Variants in COPG1 observed in about 807,000 individuals in gnomAD.
The protein encoded by COPG1 is coatomer subunit gamma-1.
A neutral mutation model predicts 102.8 loss-of-function variants in COPG1; 29 were observed. That is an observed-to-expected ratio of 0.28 (90% confidence interval 0.21 to 0.38). COPG1 has a LOEUF of 0.38. Among genes scored for constraint, COPG1 ranks in the 10% least tolerant of loss-of-function variants. The pLI, the probability that COPG1 is intolerant of heterozygous loss-of-function variation, is 1.00. For synonymous variants in COPG1, 406 were observed against 421.6 expected (o/e 0.96, Z 0.45); for missense variants, 875 against 1,132.7 (o/e 0.77, Z 3.27).
In COPG1 at chr3:129,249,649, G is replaced by T; in HGVS notation, c.-61G>T. 6.5e-7 allele frequency: 1 copy of T among 1,543,796 alleles called. No individual in the cohort carries two copies. The highest frequency in any genetic ancestry group is 2.4e-5 in the East Asian group (1 of 40,860). On this transcript the variant is annotated 5_prime_UTR_variant, in exon 1 of 24. Coordinates refer to ENST00000314797, the MANE Select transcript of COPG1 (RefSeq NM_016128.4). ...GTCCCTGTAGAACCACTGTGGCACC[G>T]CTACTCCGTGCCGCGCCCGTCGAGC...
At chr3:129,270,762 A>G (rs1940167091) in intron 18 of COPG1, among the ~76,000 whole-genome samples, 2 of 152,214 alleles carry the variant, frequency 1.3e-5, no homozygotes, top group African/African-American at 4.8e-5. Flanking sequence ...TTCTAAGTAA[A>G]GGGAAAAATA....
In COPG1 at chr3:129,265,743, C is replaced by A. The variant is rs1210451486; in HGVS notation, c.1419C>A (p.Ile473=). Reference sequence around the variant, plus strand: ...AGACCACCAATCCCTCAAAGTACATCCGCTTCATCTATAACCGAGTGGTCT... The same window carrying A: ...AGACCACCAATCCCTCAAAGTACATACGCTTCATCTATAACCGAGTGGTCT... ...GPKTTNPSKY[I]RFIYNRVVLE... The change falls in exon 14 of 24, where the codon ATC becomes ATA. Residue 473 remains isoleucine, a synonymous_variant. Coordinates refer to ENST00000314797, the MANE Select transcript of COPG1 (RefSeq NM_016128.4). 4.3e-6 allele frequency: 7 copies of A among 1,614,040 alleles called. No individual in the cohort carries two copies. The highest frequency in any genetic ancestry group is 5.9e-6 in the Non-Finnish European group (7 of 1,180,036).
In COPG1 at chr3:129,272,259, A is replaced by G; in HGVS notation, c.2002A>G (p.Thr668Ala). 6.2e-7 allele frequency: 1 copy of G among 1,614,024 alleles called. No homozygotes were observed. The highest frequency in any genetic ancestry group is 1.1e-5 in the South Asian group (1 of 91,080). The change falls in exon 20 of 24, where the codon ACA becomes GCA. Residue 668 changes from threonine (T) to alanine (A), a missense_variant. Physicochemically the swap from Thr to Ala is moderately conservative, Grantham distance 58 (BLOSUM62 0). Coordinates refer to ENST00000314797, the MANE Select transcript of COPG1 (RefSeq NM_016128.4). ...HMVFQFDCTNTLNDQTLENVT... is the reference protein window; with the variant it reads ...HMVFQFDCTNALNDQTLENVT... ...TCCTGTTCAGTTTGACTGCACAAACACACTCAATGACCAGACCTTGGAGAA... is the reference window on the plus strand; with the variant it reads ...TCCTGTTCAGTTTGACTGCACAAACGCACTCAATGACCAGACCTTGGAGAA...
At position 129,256,129 on chromosome 3, in the gene COPG1, C is replaced by T; in HGVS notation, c.554C>T (p.Ala185Val). ...TGGGTGAATGAGGCTCAGGAGGCAG[C>T]ATCCAGTGATAACATCATGGTCCAG... ...KRWVNEAQEA[A>V]SSDNIMVQYH... The change falls in exon 8 of 24, where the codon GCA becomes GTA. Residue 185 changes from alanine (A) to valine (V), a missense_variant. Physicochemically the swap from Ala to Val is moderately conservative, Grantham distance 64. Coordinates refer to ENST00000314797, the MANE Select transcript of COPG1 (RefSeq NM_016128.4). 6.2e-7 allele frequency: 1 copy of T among 1,613,946 alleles called. No individual in the cohort carries two copies. Among genetic ancestry groups the T allele is most frequent in the Non-Finnish European group, 8.5e-7 (1 of 1,179,880 alleles).
At chr3:129,263,531 A>G (rs1939987996) in intron 12 of COPG1, among the ~76,000 whole-genome samples, 1 of 152,192 alleles carries the variant, frequency 6.6e-6, no homozygotes, top group African/African-American at 2.4e-5. Context: ...TACCCCAGAG[A>G]CAGGCTTAAC....
At position 129,268,033 on chromosome 3, in the gene COPG1, C is replaced by G; in HGVS notation, c.1641C>G (p.Ile547Met). The change falls in exon 16 of 24, where the codon ATC (isoleucine) becomes ATG (methionine). Residue 547 changes from isoleucine (I) to methionine (M), a missense_variant. Physicochemically the swap from Ile to Met is conservative, Grantham distance 10. Coordinates refer to ENST00000314797, the MANE Select transcript of COPG1 (RefSeq NM_016128.4). ...QKQKALNAGYILNGLTVSIPG... is the reference protein window; with the variant it reads ...QKQKALNAGYMLNGLTVSIPG... ...AGAAGGCCCTTAATGCAGGCTATAT[C>G]CTAAATGGTGAGTCATTCCCTGGCT... 6.2e-7 allele frequency: 1 copy of G among 1,613,140 alleles called. No individual in the cohort carries two copies. Among genetic ancestry groups the G allele is most frequent in the South Asian group, 1.1e-5 (1 of 91,038 alleles).
intron 5 of COPG1, chr3:129,254,293 CT>C (rs1939761113): frequency 1.9e-5 from 3 of 161,768 alleles, no homozygotes; most frequent in Non-Finnish European, 3.8e-5. Context: ...GAGACTCTGT[CT>C]CAAAAAAAAA....
chr3:129,268,129 AT>A, intron 16 of COPG1, 89 bp downstream of exon 16: 2 of 1,201,132 alleles, frequency 1.7e-6, no homozygotes, highest in Non-Finnish European at 1.2e-6. Flanking sequence ...CAGAGGCAAG[AT>A]GCTCTTGGCT....
At chr3:129,256,459 G>T (rs1443129587) in intron 8 of COPG1, among the ~76,000 whole-genome samples, 1 of 152,218 alleles carries the variant, frequency 6.6e-6, no homozygotes, top group Non-Finnish European at 1.5e-5. Flanking sequence ...GCAGGCAGAG[G>T]GCCGCCTAAA....
At chr3:129,265,212 C>T (rs1940027757) in intron 13 of COPG1, among the ~76,000 whole-genome samples, 1 of 152,106 alleles carries the variant, frequency 6.6e-6, no homozygotes, top group South Asian at 2.1e-4. Context: ...TCACCTCAGA[C>T]CCCCAAGCAG....
rs1216740771 is a variant in COPG1 at position 129,277,211 on chromosome 3, T to C, written c.2495-83T>C. On this transcript the variant is annotated intron_variant, in intron 23 of 23. Transcript: ENST00000314797. ...TTTCACTACACCAGAGCTGCCTTCATGGGTTGCTGCAAATGCCATCCTTAG... is the reference window on the plus strand; with the variant it reads ...TTTCACTACACCAGAGCTGCCTTCACGGGTTGCTGCAAATGCCATCCTTAG... The C allele has an allele frequency of 4.1e-6, 6 of 1,447,588 alleles. No individual in the cohort carries two copies. In the African/African-American group the frequency reaches 7.0e-5, roughly 17 times the overall value. 89.7% of individuals were successfully genotyped at this position (1,447,588 alleles called of 1,614,324 possible).
rs200889663 is a variant in COPG1 at position 129,265,701 on chromosome 3, G to A, written c.1377G>A (p.Leu459=). The A allele has an allele frequency of 2.0e-5, 32 of 1,614,148 alleles. No homozygotes were observed. Among genetic ancestry groups the A allele is most frequent in the Non-Finnish European group, 2.5e-5 (29 of 1,180,030 alleles). The change falls in exon 14 of 24, where the codon CTG becomes CTA. Residue 459 remains leucine (L), a synonymous_variant. Coordinates refer to ENST00000314797, the MANE Select transcript of COPG1 (RefSeq NM_016128.4). ...TGGCCACCCGTATTCTACATCTCCT[G>A]GGCCAGGAGGGGCCCAAGACCACCA... is the stretch of plus-strand genomic sequence containing the variant. ...TVLATRILHL[L]GQEGPKTTNP...
intron 12 of COPG1, among the ~76,000 whole-genome samples, chr3:129,262,451 C>T (rs757897459): frequency 1.3e-5 from 2 of 151,972 alleles, no homozygotes; most frequent in Non-Finnish European, 2.9e-5. Context: ...GACGGTGTTT[C>T]ACCATGTTAG....
intron 8 of COPG1, among the ~76,000 whole-genome samples, chr3:129,256,887 A>G (rs1939821341): frequency 6.6e-6 from 1 of 152,238 alleles, no homozygotes; most frequent in Non-Finnish European, 1.5e-5. Flanking sequence ...TAGGAAACAA[A>G]AGAGAGTATC....
chr3:129,263,856 C>A (rs758403212), intron 12 of COPG1, 48 bp from the exon 13 acceptor site: 2 of 1,536,594 alleles, frequency 1.3e-6, no homozygotes, highest in Non-Finnish European at 1.8e-6. Flanking sequence ...CTGAGTCACC[C>A]CATCTTGGTG....
chr3:129,260,511 C>T, intron 11 of COPG1, 108 bp from the exon 12 acceptor site: 2 of 1,509,020 alleles, frequency 1.3e-6, no homozygotes. Context: ...TTAGTTTCTT[C>T]TAGATGGTGA....
At position 129,272,331 on chromosome 3, in the gene COPG1, T is replaced by C. The variant is rs776694378; in HGVS notation, c.2074T>C (p.Tyr692His). ...EPTEAYEVLC[Y>H]VPARSLPYNQ... ...CACTGAGGCCTATGAGGTGCTCTGT[T>C]ACGTGCCTGCCCGGAGCCTGCCCTA... The change falls in exon 20 of 24, where the codon TAC (tyrosine) becomes CAC (histidine). Residue 692 changes from tyrosine (Y) to histidine (H), a missense_variant. Tyr to His is a moderately conservative substitution (Grantham distance 83). Transcript: ENST00000314797. The C allele has an allele frequency of 2.1e-5, 34 of 1,614,118 alleles. No homozygotes were observed. The East Asian group carries it at 6.9e-4, about 33-fold the overall frequency.
chr3:129,257,447 T>C (rs1939831842), intron 8 of COPG1, 23 bp from the exon 9 acceptor site: 2 of 1,613,464 alleles, frequency 1.2e-6, no homozygotes, highest in Non-Finnish European at 1.7e-6. Flanking sequence ...ATTTGTACTC[T>C]GTTGCTGTCT....
In COPG1 at chr3:129,268,480, T is replaced by C. The variant is rs1940113489; in HGVS notation, c.1649-15T>C. The C allele has an allele frequency of 2.5e-6, 4 of 1,613,052 alleles. No homozygotes were observed. Among genetic ancestry groups the C allele is most frequent in the Non-Finnish European group, 3.4e-6 (4 of 1,179,616 alleles). ...GCTCTATCTGCCAGGCATGGTGACC[T>C]CTCTTCACCTCCAGGTCTGACTGTG... On this transcript the variant is annotated splice_polypyrimidine_tract_variant and intron_variant, in intron 16 of 23. Coordinates refer to ENST00000314797, the MANE Select transcript of COPG1 (RefSeq NM_016128.4).
Sources: allele counts gnomAD v4.1 joint callset (sites outside exome capture counted in the v4.1 genomes callset), GRCh38; gene constraint gnomAD v4.1.1; transcripts MANE v1.5; gene names NCBI Gene and HGNC (gene_info 2026-07-23, HGNC 2026-07-21).